The following HDAC9 variants were observed in gnomAD, a reference collection of about 807,000 sequenced individuals.
HDAC9 encodes histone deacetylase 9, also known as MEF-2 interacting transcription repressor (MITR) protein.
HDAC9 carries 41 observed loss-of-function variants against 139.4 expected under a neutral mutation model. The ratio of observed to expected loss-of-function variants is 0.29; its 90% CI spans 0.23 to 0.38. The LOEUF is 0.38. HDAC9 is among the 10% of genes least tolerant of loss of function. The probability of loss-of-function intolerance (pLI) is 1.00; values close to 1 mark genes in which losing one functional copy is unlikely to be tolerated. For missense variants in HDAC9, 1,147 were observed against 1,297.0 expected (o/e 0.88, Z 1.78); for synonymous variants, 517 against 476.2 (o/e 1.09, Z -1.12).
chr7:18,466,344 G>A (rs1794278520), intron 1 of HDAC9, among the ~76,000 whole-genome samples: 2 of 152,048 alleles, frequency 1.3e-5, no homozygotes, highest in African/African-American at 4.8e-5. Flanking sequence ...TTACAAGCAT[G>A]CACCACCACA....
chr7:18,275,837 T>A (rs1293889110), intron 2 of HDAC9, among the ~76,000 whole-genome samples: 1 of 152,220 alleles, frequency 6.6e-6, no homozygotes, highest in Non-Finnish European at 1.5e-5. Context: ...TTATAGCACT[T>A]CCTATTTTCT....
chr7:18,096,938 G>A (rs952388929), intron 1 of HDAC9, among the ~76,000 whole-genome samples: 2 of 146,992 alleles, frequency 1.4e-5, no homozygotes, highest in Admixed American at 1.4e-4. Context: ...TACTCTTTTA[G>A]ATCTAATCTC....
intron 1 of HDAC9, among the ~76,000 whole-genome samples, chr7:18,093,564 G>A (rs190523017): frequency 1.3e-5 from 2 of 152,274 alleles, no homozygotes; most frequent in East Asian, 3.9e-4. Flanking sequence ...GTAAGAATGG[G>A]GAGTAGAGGC....
chr7:18,739,707 T>A (rs564576824), intron 13 of HDAC9, among the ~76,000 whole-genome samples: 1 of 152,236 alleles, frequency 6.6e-6, no homozygotes, highest in East Asian at 1.9e-4. Context: ...TCTCCCAGTT[T>A]GGCTACATGG....
chr7:18,408,031 G>A (rs75943569), intron 1 of HDAC9, among the ~76,000 whole-genome samples: 2,450 of 152,228 alleles, frequency 0.016, 55 homozygotes, highest in African/African-American at 0.055. Flanking sequence ...TACTTACGTC[G>A]TGGAATTATT....
chr7:18,976,055 A>T (rs745677870), intron 25 of HDAC9, 102 bp downstream of exon 25: 52 of 1,202,042 alleles, frequency 4.3e-5, no homozygotes, highest in Non-Finnish European at 2.1e-5. Context: ...TGTCTCCTCC[A>T]CTTCCACCAC....
intron 1 of HDAC9, among the ~76,000 whole-genome samples, chr7:18,342,193 C>T (rs1381824927): frequency 6.6e-6 from 1 of 151,788 alleles, no homozygotes; most frequent in African/African-American, 2.4e-5. Flanking sequence ...TTGTTTGGTG[C>T]TTCCCTCTCC....
intron 24 of HDAC9, among the ~76,000 whole-genome samples, chr7:18,970,362 A>G (rs187354605): frequency 6.6e-6 from 1 of 152,278 alleles, no homozygotes; most frequent in Non-Finnish European, 1.5e-5. Context: ...GAATTATGCA[A>G]TTTTTATTTT....
At chr7:18,924,900 G>A (rs980374053) in intron 22 of HDAC9, among the ~76,000 whole-genome samples, 2 of 152,132 alleles carry the variant, frequency 1.3e-5, no homozygotes, top group Admixed American at 1.3e-4. Context: ...TGTTGCCATG[G>A]CCATCATAAC....
chr7:18,572,963 T>C (rs1315727305), intron 2 of HDAC9, among the ~76,000 whole-genome samples: 4 of 152,238 alleles, frequency 2.6e-5, no homozygotes, highest in Non-Finnish European at 5.9e-5. Context: ...GACAGGGAGT[T>C]TGGATTAAGT....
chr7:18,928,820 CATTT>C (rs1804465897), intron 22 of HDAC9, among the ~76,000 whole-genome samples: 1 of 146,516 alleles, frequency 6.8e-6, no homozygotes, highest in Non-Finnish European at 1.5e-5. Context: ...TGATGATGAT[CATTT>C]ATTTTATTTA....
At chr7:18,842,471 A>T (rs1207334573) in intron 21 of HDAC9, among the ~76,000 whole-genome samples, 5 of 152,120 alleles carry the variant, frequency 3.3e-5, no homozygotes, top group Non-Finnish European at 5.9e-5. Context: ...TTAATGATTT[A>T]TTTCAATAAA....
intron 15 of HDAC9, among the ~76,000 whole-genome samples, chr7:18,764,265 G>T (rs1456434305): frequency 6.6e-6 from 1 of 151,958 alleles, no homozygotes. Flanking sequence ...CATTAATTTT[G>T]AACATATGAT....
At chr7:18,441,339 C>G (rs1351729264) in intron 1 of HDAC9, among the ~76,000 whole-genome samples, 1 of 152,124 alleles carries the variant, frequency 6.6e-6, no homozygotes, top group Non-Finnish European at 1.5e-5. Context: ...TTATCTTTCT[C>G]TTTATTTTTG....
intron 22 of HDAC9, among the ~76,000 whole-genome samples, chr7:18,898,375 T>G (rs1801402975): frequency 6.6e-6 from 1 of 151,850 alleles, no homozygotes; most frequent in East Asian, 1.9e-4. Flanking sequence ...ATGGAACAAA[T>G]AGCTAAAAAT....
intron 16 of HDAC9, among the ~76,000 whole-genome samples, chr7:18,792,575 G>T (rs1029302364): frequency 6.6e-6 from 1 of 152,064 alleles, no homozygotes; most frequent in African/African-American, 2.4e-5. Flanking sequence ...GGGAAATCCA[G>T]AATATTGGTA....
rs534309987 is a variant in HDAC9 at position 18,350,207 on chromosome 7, A to G, written c.-42+59692A>G. 3.9e-5 allele frequency among the ~76,000 whole-genome samples: 6 copies of G among 152,316 alleles called. No individual in the cohort carries two copies. In the South Asian group the frequency reaches 1.2e-3, roughly 32 times the overall value. On this transcript the variant is annotated intron_variant, in intron 1 of 3. Coordinates refer to the HDAC9 transcript ENST00000413509. ...AATTAGAATTTATTTTAAAAATTCA[A>G]GATCTGAAAACATCATTTCATTGAC... is the stretch of plus-strand genomic sequence containing the variant.
intron 1 of HDAC9, among the ~76,000 whole-genome samples, chr7:18,324,276 G>T (rs1475179187): frequency 2.6e-5 from 4 of 152,112 alleles, no homozygotes; most frequent in African/African-American, 7.2e-5. Flanking sequence ...GCTACAAAAT[G>T]CTAGTAGGAA....
At chr7:18,972,547 T>C (rs1784311042) in intron 24 of HDAC9, among the ~76,000 whole-genome samples, 1 of 151,768 alleles carries the variant, frequency 6.6e-6, no homozygotes, top group East Asian at 1.9e-4. Flanking sequence ...CGCCTGGATA[T>C]TTTTTGTATT....
Sources: gnomAD v4.1 joint callset for allele counts (sites outside exome capture counted in the v4.1 genomes callset) on GRCh38, gnomAD v4.1.1 for gene constraint, MANE v1.5 for transcripts, NCBI Gene and HGNC (gene_info 2026-07-23, HGNC 2026-07-21) for gene names.